The following TMEM245 variants were observed in gnomAD, a reference collection of about 807,000 sequenced individuals.
The protein encoded by TMEM245 is protein CG-2.
A neutral mutation model predicts 101.2 loss-of-function variants in TMEM245; 69 were observed. The ratio of observed to expected loss-of-function variants is 0.68; its 90% confidence interval spans 0.56 to 0.83. The LOEUF (loss-of-function observed/expected upper bound fraction) is 0.83, where lower values mean the gene tolerates loss of function less well. TMEM245 is among the 40% of genes least tolerant of loss of function. The probability of loss-of-function intolerance (pLI) is 0.00; values close to 1 mark genes in which losing one functional copy is unlikely to be tolerated. For synonymous variants in TMEM245, 537 were observed against 449.8 expected (o/e 1.19, Z -2.45); for missense variants, 1,075 against 1,092.8 (o/e 0.98, Z 0.23).
chr9:109,036,454 T>A, intron 15 of TMEM245, 74 bp from the exon 16 acceptor site: 1 of 1,363,724 alleles, frequency 7.3e-7, no homozygotes, highest in Non-Finnish European at 9.7e-7. Flanking sequence ...ATCTAAGCAG[T>A]AGCTCCTCCT....
chr9:109,025,712 G>GA (rs1173975378), intron 17 of TMEM245, among the ~76,000 whole-genome samples: 1 of 149,908 alleles, frequency 6.7e-6, no homozygotes, highest in Non-Finnish European at 1.5e-5. Context: ...CAAAAATCCA[G>GA]AAAGTATGCA....
At chr9:109,068,004 TCCC>T (rs953538667) in intron 9 of TMEM245, among the ~76,000 whole-genome samples, 2 of 152,016 alleles carry the variant, frequency 1.3e-5, no homozygotes, top group African/African-American at 4.8e-5. Flanking sequence ...CTATTTCCAA[TCCC>T]ATCCCCACCT....
intron 4 of TMEM245, among the ~76,000 whole-genome samples, chr9:109,093,219 A>C (rs1830055315): frequency 6.6e-6 from 1 of 152,178 alleles, no homozygotes. Context: ...GAAAAATAAG[A>C]AAAGCCTTTT....
At chr9:109,073,720 T>C (rs997434519) in intron 8 of TMEM245, among the ~76,000 whole-genome samples, 2 of 152,262 alleles carry the variant, frequency 1.3e-5, no homozygotes, top group Non-Finnish European at 2.9e-5. Context: ...TATATGTACA[T>C]ACATTTCATT....
intron 17 of TMEM245, among the ~76,000 whole-genome samples, chr9:109,025,369 C>T (rs1182164843): frequency 1.3e-5 from 2 of 152,144 alleles, no homozygotes; most frequent in East Asian, 1.9e-4. Context: ...CTGTGCCCAG[C>T]GGATACTCAT....
In TMEM245 at chr9:109,066,419, C is replaced by T. The variant is rs10979671; in HGVS notation, c.1533-1852G>A. Among the ~76,000 whole-genome samples the T allele has an allele frequency of 9.5e-4, 134 of 141,344 alleles. 1 individual carries two copies. The East Asian group carries it at 0.022, about 23-fold the overall frequency. The allele number at this position is 141,344 out of a possible 152,430, so 92.7% of individuals were successfully genotyped here. A position where few individuals can be genotyped will look rare whatever the true frequency, so the allele number is the denominator to read the frequency against. On this transcript the variant is annotated intron_variant, in intron 9 of 17. Transcript: ENST00000374586. ...GCAATGAGCCAAGATCATACCACTA[C>T]CCTCCAGCCTGGGCAAAAGAGCAAG...
At chr9:109,097,930 A>C (rs1403136012) in intron 3 of TMEM245, among the ~76,000 whole-genome samples, 2 of 152,166 alleles carry the variant, frequency 1.3e-5, no homozygotes, top group African/African-American at 4.8e-5. Context: ...AAAAATAAAT[A>C]AATAAAGTTT....
At chr9:109,047,817 A>G (rs1828544369) in intron 14 of TMEM245, among the ~76,000 whole-genome samples, 1 of 152,244 alleles carries the variant, frequency 6.6e-6, no homozygotes, top group African/African-American at 2.4e-5. Context: ...GCTTGGCTTA[A>G]GCCACACTGA....
rs1301013805 is a variant in TMEM245, at chr9:109,017,035, G to A, written c.*3425C>T. On this transcript the variant is annotated 3_prime_UTR_variant, in exon 18 of 18. Coordinates refer to ENST00000374586, the MANE Select transcript of TMEM245 (RefSeq NM_032012.4). The stretch of plus-strand genomic sequence containing the variant: ...AACCCCTCACAGCCTGAATTTCTGA[G>A]TATTGCTTGACCAGTAGTGACACAT... 2.6e-5 allele frequency: 4 copies of A among 152,058 alleles called. No individual in the cohort carries two copies. The highest frequency in any genetic ancestry group is 5.9e-5 in the Non-Finnish European group (4 of 68,020). The allele number at this position is 152,058 out of a possible 1,614,324, so 9.4% of individuals were successfully genotyped here. A position where few individuals can be genotyped will look rare whatever the true frequency, so the allele number is the denominator to read the frequency against.
At chr9:109,050,841 A>C in intron 12 of TMEM245, 149 bp from the exon 13 acceptor site, 1 of 933,558 alleles carries the variant, frequency 1.1e-6, no homozygotes, top group Non-Finnish European at 1.5e-6. Flanking sequence ...TAAAAAAAAA[A>C]AGAAAAATCA....
At chr9:109,078,563 A>G (rs1316412215) in intron 8 of TMEM245, among the ~76,000 whole-genome samples, 1 of 152,212 alleles carries the variant, frequency 6.6e-6, no homozygotes, top group African/African-American at 2.4e-5. Context: ...TAAATATGTC[A>G]CTCCAATGTC....
intron 17 of TMEM245, among the ~76,000 whole-genome samples, chr9:109,029,887 T>C (rs530830478): frequency 6.6e-6 from 1 of 152,168 alleles, no homozygotes; most frequent in Non-Finnish European, 1.5e-5. Flanking sequence ...GGATTAGTTA[T>C]AAGTACATGG....
intron 6 of TMEM245, among the ~76,000 whole-genome samples, chr9:109,086,467 A>G (rs1210023832): frequency 1.3e-5 from 2 of 152,158 alleles, no homozygotes; most frequent in African/African-American, 4.8e-5. Flanking sequence ...CAGTGCTGCC[A>G]CTGTATCCCA....
chr9:109,077,145 C>A (rs902176963), intron 8 of TMEM245, among the ~76,000 whole-genome samples: 1 of 151,380 alleles, frequency 6.6e-6, no homozygotes, highest in African/African-American at 2.4e-5. Flanking sequence ...CGTTTTTTGG[C>A]GTGTTTCGTT....
At chr9:109,030,545 C>G (rs532791444) in intron 17 of TMEM245, among the ~76,000 whole-genome samples, 2 of 152,038 alleles carry the variant, frequency 1.3e-5, no homozygotes, top group South Asian at 4.1e-4. Context: ...TATCTTTTTT[C>G]TTTGTGTTTG....
chr9:109,050,677 A>T lies in TMEM245; in HGVS notation c.1870T>A (p.Trp624Arg). Residue 624 changes from tryptophan (W) to arginine (R), a missense_variant, in exon 13 of 18, where the codon TGG becomes AGG. Physicochemically the swap from Trp to Arg is moderately radical, Grantham distance 101. Transcript: ENST00000374586. ...ETFLSILESL[W>R]IVMSRNVSLL... ...CTCACATTCCGGCTCATAACGATCC[A>T]CAGAGACTCCAAGATCTGACGAGGA... 6.2e-7 allele frequency: 1 copy of T among 1,613,100 alleles called. No homozygotes were observed. The highest frequency in any genetic ancestry group is 8.5e-7 in the Non-Finnish European group (1 of 1,179,850).
chr9:109,022,012 T>C (rs1445009529), intron 17 of TMEM245, among the ~76,000 whole-genome samples: 1 of 152,192 alleles, frequency 6.6e-6, no homozygotes, highest in Non-Finnish European at 1.5e-5. Context: ...TCCACAATCA[T>C]GCCCCCTCCC....
At chr9:109,069,043 T>C (rs780564498) in intron 9 of TMEM245, among the ~76,000 whole-genome samples, 3 of 152,350 alleles carry the variant, frequency 2.0e-5, no homozygotes, top group Non-Finnish European at 4.4e-5. Context: ...ACTATAGTTA[T>C]GCAAGATGAC....
rs149365471 is a variant in TMEM245 at position 109,099,635 on chromosome 9, TA to T, written c.800-6045del. On this transcript the variant is annotated intron_variant, in intron 3 of 17. Coordinates refer to ENST00000374586, the MANE Select transcript of TMEM245 (RefSeq NM_032012.4). ...ATAACACCAATCTCACTAGACTGCTTAAAAAAAACTAAGAGTATTTTTAAAG... is the reference window on the plus strand; with the variant it reads ...ATAACACCAATCTCACTAGACTGCTTAAAAAAACTAAGAGTATTTTTAAAG... 3.3e-5 allele frequency among the ~76,000 whole-genome samples: 5 copies of T among 152,142 alleles called. No homozygotes were observed. The East Asian group carries it at 9.6e-4, about 29-fold the overall frequency.
Sources: gnomAD v4.1 joint callset for allele counts (sites outside exome capture counted in the v4.1 genomes callset) on GRCh38, gnomAD v4.1.1 for gene constraint, MANE v1.5 for transcripts, NCBI Gene and HGNC (gene_info 2026-07-23, HGNC 2026-07-21) for gene names.